The following GTF3C3 variants were observed in gnomAD, a reference collection of about 807,000 sequenced individuals.
GTF3C3 encodes the protein general transcription factor IIIC subunit 3, also known as general transcription factor 3C polypeptide 3.
In GTF3C3, 75 loss-of-function variants were observed where a neutral mutation model predicts 105.2. The ratio of observed to expected loss-of-function variants is 0.71; its 90% CI spans 0.59 to 0.86. GTF3C3 has a LOEUF of 0.86. GTF3C3 is among the 40% of genes least tolerant of loss of function. GTF3C3 has a pLI of 0.00. For missense variants in GTF3C3, 856 were observed against 1,076.5 expected (o/e 0.80, Z 2.87); for synonymous variants, 335 against 370.4 (o/e 0.90, Z 1.10).
chr2:196,785,053 C>A, intron 7 of GTF3C3, 124 bp from the exon 8 acceptor site: 1 of 654,382 alleles, frequency 1.5e-6, no homozygotes, highest in East Asian at 2.7e-5. Context: ...AAGAAAGAGT[C>A]TTTTAAAAAT....
At chr2:196,798,418 G>A (rs948521679) in intron 1 of GTF3C3, among the ~76,000 whole-genome samples, 4 of 152,008 alleles carry the variant, frequency 2.6e-5, no homozygotes, top group Non-Finnish European at 5.9e-5. Context: ...TCAGCTACTT[G>A]GAGGCTGAGG....
chr2:196,769,333 A>G (rs1699129240), intron 16 of GTF3C3, among the ~76,000 whole-genome samples: 1 of 152,226 alleles, frequency 6.6e-6, no homozygotes, highest in Non-Finnish European at 1.5e-5. Context: ...ACCATATCAT[A>G]TTTTGGAAAC....
At chr2:196,771,153 G>C (rs1346564764) in intron 15 of GTF3C3, among the ~76,000 whole-genome samples, 1 of 151,942 alleles carries the variant, frequency 6.6e-6, no homozygotes, top group Non-Finnish European at 1.5e-5. Flanking sequence ...AGTAATACTT[G>C]TTTACTTCTG....
At position 196,764,607 on chromosome 2, in the gene GTF3C3, T is replaced by G; in HGVS notation, c.2617A>C (p.Thr873Pro). 6.2e-7 allele frequency: 1 copy of G among 1,613,756 alleles called. No individual in the cohort carries two copies. The highest frequency in any genetic ancestry group is 8.5e-7 in the Non-Finnish European group (1 of 1,179,672). The change falls in exon 18 of 18, where the codon ACC (threonine) becomes CCC (proline). Residue 873 changes from threonine (T) to proline (P), a missense_variant. By Grantham distance (38) the Thr-to-Pro change is conservative (BLOSUM62 -1). Transcript: ENST00000263956. Reference sequence around the variant, plus strand: ...TACAAAAGCGTTTGAGCCATTCCGGTATTCCCACTGCTCTGATAGATGAGA... The same window carrying G: ...TACAAAAGCGTTTGAGCCATTCCGGGATTCCCACTGCTCTGATAGATGAGA... ...LSLIYQSSGNTGMAQTLLYTY... is the reference protein window; with the variant it reads ...LSLIYQSSGNPGMAQTLLYTY...
chr2:196,764,820 T>C, intron 17 of GTF3C3, 135 bp from the exon 18 acceptor site: 1 of 621,060 alleles, frequency 1.6e-6, no homozygotes, highest in Non-Finnish European at 2.7e-6. Flanking sequence ...AAAAAAATTA[T>C]AAAACTATGC....
intron 1 of GTF3C3, 60 bp from the exon 2 acceptor site, chr2:196,797,968 C>T: frequency 1.0e-6 from 1 of 954,802 alleles, no homozygotes; most frequent in Non-Finnish European, 1.7e-6. Context: ...TCTCCCCAGC[C>T]ACAGAGTATC....
At position 196,771,891 on chromosome 2, in the gene GTF3C3, A is replaced by G. The variant is rs1231744755; in HGVS notation, c.2117T>C (p.Phe706Ser). 1 of 1,613,330 alleles carries G rather than the reference A, an allele frequency of 6.2e-7. No homozygotes were observed. ...TTGGGAGTGCATGGTAACTTGATTG[A>G]AAATGTTCCAGAGCTGGGGTTTATT... ...NVNKPQLWNI[F>S]NQVTMHSQDV... The change falls in exon 15 of 18, where the codon TTC becomes TCC. Residue 706 changes from phenylalanine (F) to serine (S), a missense_variant. Physicochemically the swap from Phe to Ser is radical, Grantham distance 155. Transcript: ENST00000263956.
intron 4 of GTF3C3, among the ~76,000 whole-genome samples, chr2:196,790,526 A>G (rs1175682994): frequency 6.6e-6 from 1 of 152,224 alleles, no homozygotes; most frequent in Admixed American, 6.5e-5. Context: ...GCTAATCTAC[A>G]TTTCTGAAAT....
intron 4 of GTF3C3, among the ~76,000 whole-genome samples, chr2:196,790,988 G>C (rs1322855424): frequency 6.6e-6 from 1 of 151,824 alleles, no homozygotes; most frequent in Non-Finnish European, 1.5e-5. Context: ...CAAAAAAATA[G>C]AGTAACATAA....
At chr2:196,780,365 T>C (rs1242022147) in intron 9 of GTF3C3, 194 bp downstream of exon 9, 1 of 1,214,760 alleles carries the variant, frequency 8.2e-7, no homozygotes, top group Non-Finnish European at 1.1e-6. Flanking sequence ...GAAAAATAAA[T>C]TACTGTAAGC....
chr2:196,784,806 T>C, intron 8 of GTF3C3, 51 bp downstream of exon 8: 2 of 1,528,958 alleles, frequency 1.3e-6, no homozygotes, highest in Non-Finnish European at 1.8e-6. Flanking sequence ...AACGCCACCT[T>C]ATGACCAAGA....
intron 2 of GTF3C3, among the ~76,000 whole-genome samples, chr2:196,796,185 A>G (rs1294854061): frequency 2.0e-5 from 3 of 152,206 alleles, no homozygotes; most frequent in Non-Finnish European, 2.9e-5. Flanking sequence ...GAGTCTTGGT[A>G]GAGTTCTGGG....
At chr2:196,787,438 T>A (rs970037687) in intron 6 of GTF3C3, among the ~76,000 whole-genome samples, 2 of 152,304 alleles carry the variant, frequency 1.3e-5, no homozygotes, top group African/African-American at 4.8e-5. Flanking sequence ...AATGATCTAT[T>A]CCTGATACCT....
chr2:196,792,680 T>C (rs75387458), intron 3 of GTF3C3, among the ~76,000 whole-genome samples: 2,537 of 152,250 alleles, frequency 0.017, 78 homozygotes, highest in African/African-American at 0.057. Flanking sequence ...TTCTGACACC[T>C]AGGCTGAAGT....
chr2:196,775,325 G>T (rs1699242696), intron 12 of GTF3C3, 74 bp from the exon 13 acceptor site: 1 of 1,383,608 alleles, frequency 7.2e-7, no homozygotes, highest in Non-Finnish European at 9.8e-7. Flanking sequence ...TTGTTATGTT[G>T]GCTCAGGCTG....
chr2:196,780,317 C>G (rs1470650556), intron 9 of GTF3C3: 2 of 1,100,988 alleles, frequency 1.8e-6, no homozygotes, highest in African/African-American at 1.6e-5. Flanking sequence ...GGTCTAAAGA[C>G]AATCTCAAAT....
chr2:196,781,782 G>A (rs185615791), intron 8 of GTF3C3, among the ~76,000 whole-genome samples: 1 of 152,074 alleles, frequency 6.6e-6, no homozygotes, highest in East Asian at 1.9e-4. Context: ...TCTGCTCAAC[G>A]AGAGAGCAGA....
rs189351129 is a variant in GTF3C3, at chr2:196,766,862, G to A, written c.2386-145C>T. On this transcript the variant is annotated intron_variant, in intron 16 of 17. Transcript: ENST00000263956. ...TGTCCTATTACTGTGTAGTATTACA[G>A]TGTAGTTAGGTGTCAACATTATAGC... is the stretch of plus-strand genomic sequence containing the variant. 1.4e-3 allele frequency: 684 copies of A among 487,706 alleles called. 8 individuals are homozygous for A. In the East Asian group the frequency reaches 0.018, roughly 13 times the overall value. The allele number at this position is 487,706 out of a possible 1,614,324, so 30.2% of individuals were successfully genotyped here.
Position 196,766,627 on chromosome 2 carries a change from G to A in GTF3C3, c.2476C>T (p.Leu826=). The A allele has an allele frequency of 1.2e-6, 2 of 1,613,266 alleles. No homozygotes were observed. Among genetic ancestry groups the A allele is most frequent in the South Asian group, 2.2e-5 (2 of 91,026 alleles). Residue 826 remains leucine, a synonymous_variant, in exon 17 of 18, where the codon CTG becomes TTG. Coordinates refer to ENST00000263956, the MANE Select transcript of GTF3C3 (RefSeq NM_012086.5). ...TAATAGTGGATTGCAAGATGAATCAGCCCCAACTGATGAAGGCCACGGCCC... is the reference window on the plus strand; with the variant it reads ...TAATAGTGGATTGCAAGATGAATCAACCCCAACTGATGAAGGCCACGGCCC... ...NLGRGLHQLG[L]IHLAIHYYQK... is the part of the protein sequence containing the mutation.
Sources: gnomAD v4.1 joint callset for allele counts (sites outside exome capture counted in the v4.1 genomes callset) on GRCh38, gnomAD v4.1.1 for gene constraint, MANE v1.5 for transcripts, NCBI Gene and HGNC (gene_info 2026-07-23, HGNC 2026-07-21) for gene names.